USP6: variants seen among roughly 807,000 people sequenced by gnomAD.
The protein encoded by USP6 is ubiquitin specific peptidase 6, also known as ubiquitin carboxyl-terminal hydrolase 6.
In USP6, 128 loss-of-function variants were observed where a neutral mutation model predicts 175.7. The observed-to-expected ratio is 0.73, with a 90% CI of 0.63 to 0.84. USP6 has a LOEUF of 0.84. USP6 is among the 40% of genes least tolerant of loss of function. The pLI, the probability that USP6 is intolerant of heterozygous loss-of-function variation, is 0.00. For synonymous variants in USP6, 562 were observed against 630.6 expected (o/e 0.89, Z 1.63); for missense variants, 1,498 against 1,760.3 (o/e 0.85, Z 2.67).
intron 2 of USP6, among the ~76,000 whole-genome samples, chr17:5,119,410 T>G (rs1331575658): frequency 5.3e-5 from 8 of 152,218 alleles, no homozygotes; most frequent in African/African-American, 1.7e-4. Flanking sequence ...AATTACCTGA[T>G]TATCTGAAAA....
At chr17:5,145,612 T>G (rs1453953287) in intron 27 of USP6, 33 bp downstream of exon 27, 2 of 1,537,912 alleles carry the variant, frequency 1.3e-6, no homozygotes, top group South Asian at 2.5e-5. Context: ...ATTACTTGAT[T>G]CCATTAAATT....
chr17:5,137,519 A>G, intron 19 of USP6, 132 bp from the exon 20 acceptor site: 2 of 941,028 alleles, frequency 2.1e-6, no homozygotes, highest in South Asian at 1.5e-5. Context: ...CTGACTCAGC[A>G]TTCTGGAGGG....
chr17:5,120,288 TGG>T (rs898856415), intron 2 of USP6, among the ~76,000 whole-genome samples: 2 of 151,046 alleles, frequency 1.3e-5, no homozygotes, highest in African/African-American at 4.9e-5. Flanking sequence ...AAGGCAGTGG[TGG>T]GGGCAAGGTC....
chr17:5,133,546 A>G lies in USP6; in HGVS notation c.380A>G (p.Tyr127Cys). The change falls in exon 14 of 38, where the codon TAC (tyrosine) becomes TGC (cysteine). Residue 127 changes from tyrosine to cysteine, a missense_variant. By Grantham distance (194) the Tyr-to-Cys change is radical. This residue lies in a region of USP6 where 281 missense variants were observed against 259.6 expected (regional missense o/e 1.08). Coordinates refer to ENST00000574788, the MANE Select transcript of USP6 (RefSeq NM_001304284.2). Reference sequence around the variant, plus strand: ...ATCAAGTTGAAAAACCCCGGAAGATACCAGGTATGCTCAGCCAGAGCACAA... The same window carrying G: ...ATCAAGTTGAAAAACCCCGGAAGATGCCAGGTATGCTCAGCCAGAGCACAA... Reference protein sequence around the residue: ...QEIKLKNPGRYQIMKERGKRS... With the variant: ...QEIKLKNPGRCQIMKERGKRS... 1 of 1,549,312 alleles carries G rather than the reference A, an allele frequency of 6.5e-7. No individual in the cohort carries two copies. Among genetic ancestry groups the G allele is most frequent in the Non-Finnish European group, 8.8e-7 (1 of 1,140,506 alleles).
chr17:5,171,661 T>C lies in USP6; in HGVS notation c.4029T>C (p.Tyr1343=), dbSNP rs149134900. 29 of 1,613,726 alleles carry C rather than the reference T, an allele frequency of 1.8e-5. No individual in the cohort carries two copies. Among genetic ancestry groups the C allele is most frequent in the African/African-American group, 8.0e-5 (6 of 74,928 alleles). ...AKNPNCKWYC[Y]NDSSCEELHP... is the part of the protein sequence containing the mutation. ...ACCCAAACTGCAAGTGGTACTGTTA[T>C]AATGACAGCAGCTGTGAGGTAAACA... Residue 1343 remains tyrosine, a synonymous_variant, in exon 37 of 38, where the codon TAT becomes TAC. Transcript: ENST00000574788.
rs1246336401 is a variant in USP6, at chr17:5,137,700, G to C, written c.875G>C (p.Gly292Ala). The C allele has an allele frequency of 6.2e-7, 1 of 1,608,860 alleles. No homozygotes were observed. Among genetic ancestry groups the C allele is most frequent in the African/African-American group, 1.3e-5 (1 of 74,818 alleles). Reference protein sequence around the residue: ...LRLWDVYLVEGEQVLMPITSI... With the variant: ...LRLWDVYLVEAEQVLMPITSI... ...CTGTGGGACGTGTATTTGGTGGAAG[G>C]AGAACAGGTGTTGATGCCAATAACC... The change falls in exon 20 of 38, where the codon GGA (glycine) becomes GCA (alanine). Residue 292 changes from glycine (G) to alanine (A), a missense_variant. Around this residue, in one of 2 missense-constraint regions of USP6, gnomAD observed 1,217 missense variants for 1,500.8 expected, o/e 0.81. Coordinates refer to ENST00000574788, the MANE Select transcript of USP6 (RefSeq NM_001304284.2).
chr17:5,154,649 G>A (rs1292965992), intron 30 of USP6, among the ~76,000 whole-genome samples: 1 of 151,792 alleles, frequency 6.6e-6, no homozygotes, highest in African/African-American at 2.4e-5. Flanking sequence ...AAAACTTTGG[G>A]AATTGCCACT....
rs759273385 is a variant in USP6, at chr17:5,147,155, C to A, written c.2392C>A (p.Pro798Thr). 3.1e-6 allele frequency: 5 copies of A among 1,613,460 alleles called. No individual in the cohort carries two copies. The highest frequency in any genetic ancestry group is 4.2e-6 in the Non-Finnish European group (5 of 1,179,700). ...GFLCAFEIPVPSSPISASSPT... is the reference protein window; with the variant it reads ...GFLCAFEIPVTSSPISASSPT... ...TTTGTGTGCATTTGAAATTCCTGTC[C>A]CTTCATCTCCAATTTCAGCTTCTAG... Residue 798 changes from proline to threonine, a missense_variant, in exon 29 of 38, where the codon CCT becomes ACT. Pro to Thr is a conservative substitution (Grantham distance 38). Transcript: ENST00000574788.
Position 5,170,488 on chromosome 17 carries a change from C to T in USP6, c.3527C>T (p.Ser1176Phe). ...NISSSPKGSPSSSRKSGTSCP... is the reference protein window; with the variant it reads ...NISSSPKGSPFSSRKSGTSCP... The stretch of plus-strand genomic sequence containing the variant: ...TCTGTCCTGTTCACAGGTTCTCCTT[C>T]TTCATCAAGAAAAAGTGGAACCAGC... The change falls in exon 36 of 38, where the codon TCT becomes TTT. Residue 1176 changes from serine (S) to phenylalanine (F), a missense_variant. By Grantham distance (155) the Ser-to-Phe change is radical (BLOSUM62 -2). Coordinates refer to ENST00000574788, the MANE Select transcript of USP6 (RefSeq NM_001304284.2). The T allele has an allele frequency of 1.2e-6, 2 of 1,608,404 alleles. No homozygotes were observed. Among genetic ancestry groups the T allele is most frequent in the Non-Finnish European group, 1.7e-6 (2 of 1,177,786 alleles).
chr17:5,134,834 G>C, intron 15 of USP6: 1 of 312,038 alleles, frequency 3.2e-6, no homozygotes, highest in Non-Finnish European at 6.2e-6. Context: ...AGGGGCTGAC[G>C]GATCGGGGAG....
intron 31 of USP6, among the ~76,000 whole-genome samples, 189 bp downstream of exon 31, chr17:5,155,795 G>C (rs1226234720): frequency 6.6e-6 from 1 of 152,158 alleles, no homozygotes; most frequent in Non-Finnish European, 1.5e-5. Context: ...CACTCAGAGA[G>C]CATACAATTC....
rs1383278085 is a variant in USP6, at chr17:5,129,958, CT to C, written c.-132del. 1 of 241,526 alleles carries C rather than the reference CT, an allele frequency of 4.1e-6. No homozygotes were observed. Among genetic ancestry groups the C allele is most frequent in the Non-Finnish European group, 8.2e-6 (1 of 122,686 alleles). The allele number at this position is 241,526 out of a possible 1,614,324, so 15.0% of individuals were successfully genotyped here. A position where few individuals can be genotyped will look rare whatever the true frequency, so the allele number is the denominator to read the frequency against. The stretch of plus-strand genomic sequence containing the variant: ...TAGGAAACTGGGCATCTCTGTGGCC[CT>C]GAACATCCCAGGAGGCCGATCGTAC... On this transcript the variant is annotated 5_prime_UTR_variant, in exon 9 of 38. An upstream open reading frame in the 5' UTR loses its in-frame stop. Coordinates refer to ENST00000574788, the MANE Select transcript of USP6 (RefSeq NM_001304284.2).
intron 13 of USP6, 44 bp from the exon 14 acceptor site, chr17:5,133,399 G>A: frequency 6.4e-7 from 1 of 1,558,664 alleles, no homozygotes; most frequent in Non-Finnish European, 8.8e-7. Flanking sequence ...TCCTCACTGG[G>A]GTCACCCCAT....
intron 23 of USP6, 95 bp downstream of exon 23, chr17:5,141,594 G>T: frequency 8.7e-7 from 1 of 1,142,866 alleles, no homozygotes; most frequent in Non-Finnish European, 1.2e-6. Context: ...TGGTTTTCTA[G>T]TTCAAAAGTA....
rs765579557 is a variant in USP6 at position 5,137,716 on chromosome 17, G to A, written c.891G>A (p.Met297Ile). Residue 297 changes from methionine (M) to isoleucine (I), a missense_variant, in exon 20 of 38, where the codon ATG becomes ATA. By Grantham distance (10) the Met-to-Ile change is conservative. Coordinates refer to ENST00000574788, the MANE Select transcript of USP6 (RefSeq NM_001304284.2). ...TGGTGGAAGGAGAACAGGTGTTGAT[G>A]CCAATAACCAGCATTGCTCTTAAGG... ...VYLVEGEQVL[M>I]PITSIALKVQ... 39 of 1,608,872 alleles carry A rather than the reference G, an allele frequency of 2.4e-5. No individual in the cohort carries two copies. The East Asian group carries it at 8.3e-4, about 34-fold the overall frequency.
intron 8 of USP6, 123 bp downstream of exon 8, chr17:5,129,256 G>A (rs1184083641): frequency 2.6e-5 from 4 of 152,286 alleles, no homozygotes; most frequent in Non-Finnish European, 5.9e-5. Context: ...AGACCTCCCT[G>A]CTCTAGATCC....
At chr17:5,137,014 A>G (rs1474541432) in intron 18 of USP6, 107 bp from the exon 19 acceptor site, 8 of 1,314,852 alleles carry the variant, frequency 6.1e-6, no homozygotes, top group Admixed American at 1.7e-5. Context: ...GGAGTTCTGG[A>G]CACCGCCCAG....
intron 27 of USP6, 97 bp downstream of exon 27, chr17:5,145,676 A>G: frequency 1.4e-6 from 2 of 1,422,114 alleles, no homozygotes; most frequent in Non-Finnish European, 1.9e-6. Flanking sequence ...TTACAAATAA[A>G]GACTGGTAGT....
intron 30 of USP6, among the ~76,000 whole-genome samples, chr17:5,151,888 G>C (rs1282421221): frequency 6.6e-6 from 1 of 152,086 alleles, no homozygotes; most frequent in African/African-American, 2.4e-5. Flanking sequence ...GATAATAATG[G>C]TGAATTCATT....
Sources: gnomAD v4.1 joint callset for allele counts (sites outside exome capture counted in the v4.1 genomes callset) on GRCh38, gnomAD v4.1.1 for gene constraint, gnomAD v4.1.1 regional missense constraint, MANE v1.5 for transcripts, NCBI Gene and HGNC (gene_info 2026-07-23, HGNC 2026-07-21) for gene names.